Variants in LAMA2 observed in about 807,000 individuals in gnomAD.
LAMA2 encodes the protein laminin subunit alpha-2.
In LAMA2, 269 loss-of-function variants were observed where a neutral mutation model predicts 364.8. The ratio of observed to expected loss-of-function variants is 0.74; its 90% CI spans 0.67 to 0.82. LAMA2 has a LOEUF of 0.82. LAMA2 is among the 40% of genes least tolerant of loss of function. The pLI, the probability that LAMA2 is intolerant of heterozygous loss-of-function variation, is 0.00. For synonymous variants in LAMA2, 1,379 were observed against 1,370.6 expected, an observed-to-expected ratio of 1.01 and a Z score of -0.14; for missense variants, 3,807 against 3,873.2, an observed-to-expected ratio of 0.98 and a Z score of 0.45.
chr6:129,192,722 C>T lies in LAMA2; in HGVS notation c.1651C>T (p.Arg551Cys). 4.3e-6 allele frequency: 7 copies of T among 1,614,098 alleles called. No individual in the cohort carries two copies. Among genetic ancestry groups the T allele is most frequent in the African/African-American group, 1.3e-5 (1 of 75,030 alleles). ...CTGGTATCTGACTGACCTTCCTGGC[C>T]GCATTCGAGTGGCTCCCCAGCAGGA... is the stretch of plus-strand genomic sequence containing the variant. ...SGWYLTDLPG[R>C]IRVAPQQDDL... The change falls in exon 12 of 65, where the codon CGC becomes TGC. Residue 551 changes from arginine (R) to cysteine (C), a missense_variant. Arg to Cys is a radical substitution (Grantham distance 180). Transcript: ENST00000421865.
chr6:129,198,325 A>G (rs950335200), intron 12 of LAMA2, among the ~76,000 whole-genome samples: 11 of 152,138 alleles, frequency 7.2e-5, no homozygotes, highest in African/African-American at 2.7e-4. Flanking sequence ...TCATCAGCTA[A>G]TAAACCAAGA....
intron 9 of LAMA2, among the ~76,000 whole-genome samples, chr6:129,172,897 G>A (rs1176102352): frequency 2.0e-5 from 3 of 152,188 alleles, no homozygotes; most frequent in East Asian, 1.9e-4. Context: ...TAAGCCCGTC[G>A]GAAAAGCGCA....
Position 129,328,294 on chromosome 6 carries a change from T to C in LAMA2, c.4193T>C (p.Phe1398Ser). ...TTCTTTCAGGCATGCTTGCCGGGAT[T>C]TTATCGACTGCGTTCTCAACCAGGT... ...GLSCEACLPGFYRLRSQPGGR... is the reference protein window; with the variant it reads ...GLSCEACLPGSYRLRSQPGGR... Residue 1398 changes from phenylalanine (F) to serine (S), a missense_variant, in exon 29 of 65, where the codon TTT becomes TCT. Physicochemically the swap from Phe to Ser is radical, Grantham distance 155. This residue lies in a region of LAMA2 where 3,333 missense variants were observed against 3,345.7 expected (regional missense o/e 1.00). Transcript: ENST00000421865. 6.2e-7 allele frequency: 1 copy of C among 1,614,196 alleles called. No individual in the cohort carries two copies. Among genetic ancestry groups the C allele is most frequent in the Non-Finnish European group, 8.5e-7 (1 of 1,180,022 alleles).
At chr6:129,184,072 C>G (rs573360733) in intron 10 of LAMA2, among the ~76,000 whole-genome samples, 1 of 151,956 alleles carries the variant, frequency 6.6e-6, no homozygotes, top group Admixed American at 6.6e-5. Context: ...CCATAAATAC[C>G]TACTGGATTA....
rs137872235 is a variant in LAMA2, at chr6:128,970,977, G to A, written c.113-78941G>A. 1.1e-3 allele frequency among the ~76,000 whole-genome samples: 170 copies of A among 152,164 alleles called. 1 individual carries two copies. In the East Asian group the frequency reaches 0.016, roughly 15 times the overall value. On this transcript the variant is annotated intron_variant, in intron 1 of 64. Coordinates refer to ENST00000421865, the MANE Select transcript of LAMA2 (RefSeq NM_000426.4). Reference sequence around the variant, plus strand: ...AGCCATAGGGGAAGATAAGAAAAGGGGGCCAAGATATTCATTTCTACTGCT... The same window carrying A: ...AGCCATAGGGGAAGATAAGAAAAGGAGGCCAAGATATTCATTTCTACTGCT...
At chr6:128,884,270 A>T (rs1479186104) in intron 1 of LAMA2, among the ~76,000 whole-genome samples, 2 of 152,170 alleles carry the variant, frequency 1.3e-5, no homozygotes, top group Non-Finnish European at 2.9e-5. Context: ...TTTGTAACAC[A>T]TTATTTCAGC....
chr6:129,465,076 C>G, intron 50 of LAMA2, 69 bp from the exon 51 acceptor site: 2 of 1,297,966 alleles, frequency 1.5e-6, no homozygotes, highest in Non-Finnish European at 2.2e-6. Flanking sequence ...ATAAACCACA[C>G]AAGAAAAGTG....
Position 129,248,508 on chromosome 6 carries a change from T to C in LAMA2, c.1783-1604T>C, listed in dbSNP as rs1211921119. Among the ~76,000 whole-genome samples the C allele has an allele frequency of 3.9e-5, 6 of 152,336 alleles. No individual in the cohort carries two copies. In the East Asian group the frequency reaches 1.2e-3, roughly 29 times the overall value. On this transcript the variant is annotated intron_variant, in intron 12 of 64. Coordinates refer to ENST00000421865, the MANE Select transcript of LAMA2 (RefSeq NM_000426.4). ...TATTTGAGCATATGTGGTGATTTCA[T>C]ATATTAAGTTGATATTTTTCTTTCC...
intron 12 of LAMA2, among the ~76,000 whole-genome samples, chr6:129,206,611 G>T (rs1224340016): frequency 6.6e-6 from 1 of 152,138 alleles, no homozygotes; most frequent in Non-Finnish European, 1.5e-5. Flanking sequence ...TTTCAGCAGG[G>T]CATGTTGAGG....
At chr6:129,077,908 C>T (rs913914078) in intron 3 of LAMA2, among the ~76,000 whole-genome samples, 1 of 152,062 alleles carries the variant, frequency 6.6e-6, no homozygotes, top group Non-Finnish European at 1.5e-5. Context: ...ATTTTTAAGG[C>T]AGTGAAAATA....
intron 62 of LAMA2, 123 bp downstream of exon 62, chr6:129,507,765 G>GATCCTTTATTTAAGCC: frequency 1.1e-6 from 1 of 952,092 alleles, no homozygotes; most frequent in Non-Finnish European, 1.7e-6. Context: ...AAGCCAAAAA[G>GATCCTTTATTTAAGCC]AAACTTATGG....
intron 40 of LAMA2, among the ~76,000 whole-genome samples, chr6:129,418,022 G>A (rs1053404254): frequency 2.0e-5 from 3 of 151,568 alleles, no homozygotes; most frequent in Admixed American, 1.3e-4. Context: ...CCTTCAACTC[G>A]GAAGGGGACA....
At chr6:129,160,847 T>A (rs1779404749) in intron 8 of LAMA2, among the ~76,000 whole-genome samples, 1 of 151,982 alleles carries the variant, frequency 6.6e-6, no homozygotes, top group South Asian at 2.1e-4. Flanking sequence ...TATTAAATAT[T>A]ATATTTTTGA....
At chr6:129,308,019 A>C (rs1184457467) in intron 22 of LAMA2, among the ~76,000 whole-genome samples, 3 of 152,232 alleles carry the variant, frequency 2.0e-5, no homozygotes, top group Admixed American at 6.5e-5. Context: ...GTATGATAAA[A>C]CATTTGAACC....
chr6:129,070,117 T>C (rs895087484), intron 3 of LAMA2, among the ~76,000 whole-genome samples: 2 of 152,094 alleles, frequency 1.3e-5, no homozygotes, highest in African/African-American at 4.8e-5. Context: ...TACATTTACC[T>C]TAGGTAACTT....
intron 48 of LAMA2, among the ~76,000 whole-genome samples, chr6:129,457,017 A>G (rs1016823334): frequency 1.3e-5 from 2 of 152,166 alleles, no homozygotes; most frequent in African/African-American, 2.4e-5. Flanking sequence ...TGCGCATTTC[A>G]AATTGCAGAA....
chr6:128,907,811 C>T (rs989969678), intron 1 of LAMA2, among the ~76,000 whole-genome samples: 2 of 152,162 alleles, frequency 1.3e-5, no homozygotes, highest in African/African-American at 4.8e-5. Flanking sequence ...TATGTCCCAT[C>T]AATACCTAAT....
In LAMA2 at chr6:129,401,327, A is replaced by C. The variant is rs138983455; in HGVS notation, c.5549A>C (p.Asn1850Thr). 6.3e-7 allele frequency: 1 copy of C among 1,589,808 alleles called. No individual in the cohort carries two copies. Among genetic ancestry groups the C allele is most frequent in the African/African-American group, 1.3e-5 (1 of 74,322 alleles). Residue 1850 changes from asparagine to threonine, a missense_variant, in exon 38 of 65, where the codon AAC becomes ACC. Transcript: ENST00000421865. Reference protein sequence around the residue: ...DEANRLADEINSIIDYVEDIQ... With the variant: ...DEANRLADEITSIIDYVEDIQ... ...GCCAACCGTCTTGCAGATGAAATCAACTCCATCATAGACGTGAGTATTGGG... is the reference window on the plus strand; with the variant it reads ...GCCAACCGTCTTGCAGATGAAATCACCTCCATCATAGACGTGAGTATTGGG...
intron 2 of LAMA2, among the ~76,000 whole-genome samples, chr6:129,052,305 C>CTTTTTTTTTTT (rs71272306): frequency 7.6e-6 from 1 of 131,270 alleles, no homozygotes; most frequent in Non-Finnish European, 1.6e-5. Flanking sequence ...CCGGCTAATT[C>CTTTTTTTTTTT]TTTTTTTTTT....
Sources: allele counts gnomAD v4.1 joint callset (sites outside exome capture counted in the v4.1 genomes callset), GRCh38; gene constraint gnomAD v4.1.1; regional missense constraint gnomAD v4.1.1; transcripts MANE v1.5; gene names NCBI Gene and HGNC (gene_info 2026-07-23, HGNC 2026-07-21).